The following TOP2A variants were observed in gnomAD, a reference collection of about 807,000 sequenced individuals.
The protein encoded by TOP2A is DNA topoisomerase 2-alpha.
TOP2A carries 68 observed loss-of-function variants against 187.2 expected under a neutral mutation model. The ratio of observed to expected loss-of-function variants is 0.36; its 90% confidence interval spans 0.30 to 0.44. The LOEUF is 0.44. Ranked by LOEUF, TOP2A falls within the 20% of genes least tolerant of loss-of-function variation. The pLI is 1.00. For synonymous variants in TOP2A, 542 were observed against 593.2 expected, an observed-to-expected ratio of 0.91 and a Z score of 1.25; for missense variants, 1,196 against 1,808.7, an observed-to-expected ratio of 0.66 and a Z score of 6.14.
Position 40,398,923 on chromosome 17 carries a change from T to G in TOP2A, c.3303A>C (p.Glu1101Asp), listed in dbSNP as rs762995023. ...TTTCGTTGTCACTCTCTTCATTTTC[T>G]TCTTCATCTGGAACCTAAAGGATTA... ...KEAQQKVPDE[E>D]ENEESDNEKE... is the part of the protein sequence containing the mutation. Residue 1101 changes from glutamate to aspartate, a missense_variant, in exon 26 of 35, where the codon GAA (glutamate) becomes GAC (aspartate). Transcript: ENST00000423485. 6.2e-7 allele frequency: 1 copy of G among 1,608,160 alleles called. No individual in the cohort carries two copies. The highest frequency in any genetic ancestry group is 2.2e-5 in the East Asian group (1 of 44,838).
intron 13 of TOP2A, 48 bp downstream of exon 13, chr17:40,407,501 C>T: frequency 7.0e-7 from 1 of 1,426,326 alleles, no homozygotes; most frequent in Non-Finnish European, 9.4e-7. Context: ...TAAATTAAGA[C>T]ATGCTTAATT....
chr17:40,395,725 A>G (rs370719099), intron 28 of TOP2A, among the ~76,000 whole-genome samples, 186 bp from the exon 29 acceptor site: 1 of 151,912 alleles, frequency 6.6e-6, no homozygotes, highest in East Asian at 1.9e-4. Flanking sequence ...GTGAAACCCC[A>G]TCTCTACTAA....
intron 20 of TOP2A, among the ~76,000 whole-genome samples, chr17:40,401,973 A>C (rs1188610578): frequency 6.6e-6 from 1 of 152,226 alleles, no homozygotes; most frequent in Non-Finnish European, 1.5e-5. Context: ...GAGCAGTTGA[A>C]GGTTCTGAAT....
chr17:40,411,376 C>G lies in TOP2A; in HGVS notation c.1043G>C (p.Gly348Ala). Residue 348 changes from glycine (G) to alanine (A), a missense_variant, in exon 9 of 35, where the codon GGT (glycine) becomes GCT (alanine). By Grantham distance (60) the Gly-to-Ala change is moderately conservative. Around this residue, in one of 10 missense-constraint regions of TOP2A, gnomAD observed 252 missense variants for 434.8 expected, o/e 0.58. Coordinates refer to ENST00000423485, the MANE Select transcript of TOP2A (RefSeq NM_001067.4). This position sits in a 1 kb window ranked among gnomAD's most constrained non-coding sequence, Gnocchi z 4.4. ...TACCTGATGTGCTTTTACTGCAACA[C>G]CACCCTTGTTCTTCTTCTTCACAAC... is the stretch of plus-strand genomic sequence containing the variant. ...VDVVKKKNKG[G>A]VAVKAHQVKN... The G allele has an allele frequency of 6.2e-7, 1 of 1,613,798 alleles. No individual in the cohort carries two copies. The highest frequency in any genetic ancestry group is 8.5e-7 in the Non-Finnish European group (1 of 1,179,782).
At chr17:40,397,135 TCAGCCTCCCAAAGCA>T (rs2035110956) in intron 27 of TOP2A, among the ~76,000 whole-genome samples, 2 of 152,088 alleles carry the variant, frequency 1.3e-5, no homozygotes, top group South Asian at 4.1e-4. Flanking sequence ...TCCTCCTGCC[TCAGCCTCCCAAAGCA>T]CATTGGGATT....
intron 32 of TOP2A, 26 bp downstream of exon 32, chr17:40,392,042 C>T (rs367784508): frequency 6.2e-7 from 1 of 1,606,940 alleles, no homozygotes; most frequent in African/African-American, 1.3e-5. Flanking sequence ...AGGCAGATGT[C>T]TCACTACTTT....
chr17:40,402,364 T>C (rs982688211), intron 20 of TOP2A, among the ~76,000 whole-genome samples: 2 of 152,002 alleles, frequency 1.3e-5, no homozygotes, highest in African/African-American at 4.8e-5. Flanking sequence ...GGGAGATCAT[T>C]TGGGAATTGA....
intron 31 of TOP2A, 52 bp downstream of exon 31, chr17:40,392,166 A>C (rs745528521): frequency 6.2e-7 from 1 of 1,611,642 alleles, no homozygotes; most frequent in Non-Finnish European, 8.5e-7. Context: ...CAAGCAAAAA[A>C]CAATATATTA....
chr17:40,401,209 C>T, intron 20 of TOP2A, 128 bp from the exon 21 acceptor site: 1 of 778,902 alleles, frequency 1.3e-6, no homozygotes, highest in Non-Finnish European at 2.0e-6. Context: ...ATACATTTAA[C>T]AATATTTATT....
chr17:40,405,622 T>C (rs1218700801), intron 16 of TOP2A, among the ~76,000 whole-genome samples: 2 of 151,556 alleles, frequency 1.3e-5, no homozygotes, highest in East Asian at 1.9e-4. Flanking sequence ...GCCCGGCTAA[T>C]TTTTTATTTT....
intron 27 of TOP2A, among the ~76,000 whole-genome samples, 167 bp from the exon 28 acceptor site, chr17:40,396,632 C>T (rs1046720572): frequency 6.6e-6 from 1 of 152,192 alleles, no homozygotes; most frequent in Non-Finnish European, 1.5e-5. Context: ...AATTAAAACA[C>T]ACCTTGAAAA....
chr17:40,392,782 C>T (rs1407384173), intron 29 of TOP2A, 45 bp from the exon 30 acceptor site: 1 of 1,463,364 alleles, frequency 6.8e-7, no homozygotes, highest in South Asian at 1.3e-5. Context: ...ATTAGACCCA[C>T]TTTTCTCCAT....
At chr17:40,399,168 A>C (rs1426604215) in intron 24 of TOP2A, 37 bp from the exon 25 acceptor site, 1 of 1,415,850 alleles carries the variant, frequency 7.1e-7, no homozygotes, top group Middle Eastern at 1.8e-4. Context: ...AATGATTTTG[A>C]GTAATATTTT....
chr17:40,395,704 T>C (rs1156686548), intron 28 of TOP2A, among the ~76,000 whole-genome samples, 165 bp from the exon 29 acceptor site: 2 of 152,090 alleles, frequency 1.3e-5, no homozygotes, highest in Non-Finnish European at 2.9e-5. Flanking sequence ...GAGACCAGCC[T>C]GGCCAAGATG....
At position 40,407,584 on chromosome 17, in the gene TOP2A, G is replaced by A; in HGVS notation, c.1591C>T (p.Leu531Phe). The change falls in exon 13 of 35, where the codon CTT becomes TTT. Residue 531 changes from leucine (L) to phenylalanine (F), a missense_variant. Physicochemically the swap from Leu to Phe is conservative, Grantham distance 22. This residue lies in a region of TOP2A where 252 missense variants were observed against 434.8 expected (regional missense o/e 0.58). Transcript: ENST00000423485. ...ATAATCATTATCTTCCCATAACGAA[G>A]CGTCTTCAATGAATCTTCATCTTCA... ...NYEDEDSLKT[L>F]RYGKIMIMTD... is the part of the protein sequence containing the mutation. 1 of 1,593,158 alleles carries A rather than the reference G, an allele frequency of 6.3e-7. No homozygotes were observed. Among genetic ancestry groups the A allele is most frequent in the Non-Finnish European group, 8.5e-7 (1 of 1,175,062 alleles).
At chr17:40,412,499 CCAGGTGTGGTGGCAGGCACCT>C (rs2035334263) in intron 7 of TOP2A, among the ~76,000 whole-genome samples, 1 of 152,128 alleles carries the variant, frequency 6.6e-6, no homozygotes. Context: ...AAAAAATTAG[CCAGGTGTGGTGGCAGGCACCT>C]GTAATCCCAG....
Position 40,400,380 on chromosome 17 carries a change from C to T in TOP2A, c.2829G>A (p.Met943Ile). ...GAGGTGTCTTCTCGGTGCCATTCAACATGGGTTCTAGAACTTGTTCTTTGT... is the reference window on the plus strand; with the variant it reads ...GAGGTGTCTTCTCGGTGCCATTCAATATGGGTTCTAGAACTTGTTCTTTGT... ...QTYKEQVLEP[M>I]LNGTEKTPPL... Residue 943 changes from methionine to isoleucine, a missense_variant, in exon 23 of 35, where the codon ATG becomes ATA. Met to Ile is a conservative substitution (Grantham distance 10). This residue lies in a region of TOP2A where 232 missense variants were observed against 306.1 expected (regional missense o/e 0.76). Transcript: ENST00000423485. 1 of 1,613,482 alleles carries T rather than the reference C, an allele frequency of 6.2e-7. No individual in the cohort carries two copies. Among genetic ancestry groups the T allele is most frequent in the East Asian group, 2.2e-5 (1 of 44,852 alleles).
intron 20 of TOP2A, among the ~76,000 whole-genome samples, chr17:40,402,511 C>T (rs1256116038): frequency 6.6e-6 from 1 of 152,038 alleles, no homozygotes; most frequent in South Asian, 2.1e-4. Flanking sequence ...TCATAGAGGC[C>T]AAATAAAGAG....
chr17:40,412,667 CAAA>C (rs990727460), intron 7 of TOP2A, 89 bp downstream of exon 7: 14 of 1,058,708 alleles, frequency 1.3e-5, no homozygotes, highest in Non-Finnish European at 1.7e-5. Flanking sequence ...AACAAACAAA[CAAA>C]AACATATGGG....
Sources: gnomAD v4.1 joint callset for allele counts (sites outside exome capture counted in the v4.1 genomes callset) on GRCh38, gnomAD v4.1.1 for gene constraint, gnomAD v4.1.1 regional missense constraint, Gnocchi (gnomAD v3.1) non-coding constraint, MANE v1.5 for transcripts, NCBI Gene and HGNC (gene_info 2026-07-23, HGNC 2026-07-21) for gene names.